SLC47A1: variants seen among roughly 807,000 people sequenced by gnomAD.
SLC47A1 encodes the protein multidrug and toxin extrusion protein 1.
A neutral mutation model predicts 65.8 loss-of-function variants in SLC47A1; 58 were observed. That is an observed-to-expected ratio of 0.88 (90% CI 0.71 to 1.10). SLC47A1 has a LOEUF of 1.10. Ranked by LOEUF, SLC47A1 falls within the 50% of genes least tolerant of loss-of-function variation. The pLI is 0.00. For missense variants in SLC47A1, 706 were observed against 719.2 expected, an observed-to-expected ratio of 0.98 and a Z score of 0.21; for synonymous variants, 285 against 295.0, an observed-to-expected ratio of 0.97 and a Z score of 0.35.
At chr17:19,570,711 G>A (rs539046300) in intron 14 of SLC47A1, 1 of 152,344 alleles carries the variant, frequency 6.6e-6, no homozygotes, top group East Asian at 1.9e-4. Flanking sequence ...GATGGGGTGG[G>A]GTTTCTTGGG....
intron 2 of SLC47A1, among the ~76,000 whole-genome samples, chr17:19,545,960 C>T (rs1449046467): frequency 1.3e-5 from 2 of 152,102 alleles, no homozygotes; most frequent in East Asian, 1.9e-4. Flanking sequence ...CTGTGGCTCA[C>T]ACCTGTAATC....
chr17:19,548,752 G>A (rs1041540661), intron 4 of SLC47A1, among the ~76,000 whole-genome samples: 23 of 152,044 alleles, frequency 1.5e-4, no homozygotes, highest in African/African-American at 4.8e-5. Flanking sequence ...CTGTCGCCTC[G>A]GCCTCCCAAA....
chr17:19,571,409 C>T, intron 14 of SLC47A1, 69 bp from the exon 15 acceptor site: 2 of 1,378,220 alleles, frequency 1.5e-6, no homozygotes, highest in Middle Eastern at 1.9e-4. Context: ...GTGATATAGG[C>T]AAAACATACT....
intron 4 of SLC47A1, among the ~76,000 whole-genome samples, chr17:19,548,573 C>T (rs1916359566): frequency 6.6e-6 from 1 of 150,454 alleles, no homozygotes; most frequent in African/African-American, 2.4e-5. Flanking sequence ...GATCTTGGCT[C>T]GCTGCAACCT....
In SLC47A1 at chr17:19,578,805, C is replaced by CTGAA. The variant is rs2084459464; in HGVS notation, c.*1253_*1256dup. The stretch of plus-strand genomic sequence containing the variant: ...TGTCCATAACTGCTGAGAGAACTTG[C>CTGAA]TGAAGCTCTAGGAATAATTTTGCCT... On this transcript the variant is annotated 3_prime_UTR_variant, in exon 17 of 17. Transcript: ENST00000270570. 6.6e-6 allele frequency: 1 copy of CTGAA among 152,212 alleles called. No homozygotes were observed. Among genetic ancestry groups the CTGAA allele is most frequent in the South Asian group, 2.1e-4 (1 of 4,826 alleles). The allele number at this position is 152,212 out of a possible 1,614,324, so 9.4% of individuals were successfully genotyped here.
intron 1 of SLC47A1, among the ~76,000 whole-genome samples, chr17:19,539,440 G>C (rs1916079167): frequency 6.6e-6 from 1 of 152,152 alleles, no homozygotes; most frequent in East Asian, 1.9e-4. Flanking sequence ...GTATGAGGGA[G>C]CATGGGGATA....
chr17:19,576,788 A>G (rs1321690505), intron 16 of SLC47A1, among the ~76,000 whole-genome samples: 1 of 149,946 alleles, frequency 6.7e-6, no homozygotes, highest in East Asian at 2.0e-4. Flanking sequence ...TGCCCAGGCT[A>G]GAGTGCAATG....
chr17:19,536,634 ACCGGCCTGGGTCTGTCT>A (rs1333422287), intron 1 of SLC47A1, among the ~76,000 whole-genome samples: 1 of 152,122 alleles, frequency 6.6e-6, no homozygotes, highest in Non-Finnish European at 1.5e-5. Flanking sequence ...GTGTATGTGG[ACCGGCCTGGGTCTGTCT>A]CCCATCTCTA....
intron 10 of SLC47A1, among the ~76,000 whole-genome samples, chr17:19,558,383 C>T (rs1367513142): frequency 2.0e-5 from 3 of 152,020 alleles, no homozygotes; most frequent in Non-Finnish European, 4.4e-5. Flanking sequence ...CTTCTTAGTG[C>T]ACCATATCAG....
chr17:19,545,511 G>A (rs1464882859), intron 2 of SLC47A1, among the ~76,000 whole-genome samples: 1 of 149,296 alleles, frequency 6.7e-6, no homozygotes, highest in Non-Finnish European at 1.5e-5. Flanking sequence ...TTTTTTTTGA[G>A]ACAGGGTCTC....
rs749016988 is a variant in SLC47A1, at chr17:19,547,972, G to C, written c.307-13G>C. ...CTGTGCTAATGGGCTCATTTTGGCTGTGTGCACCCCAGACGTACGGGAGCC... is the reference window on the plus strand; with the variant it reads ...CTGTGCTAATGGGCTCATTTTGGCTCTGTGCACCCCAGACGTACGGGAGCC... On this transcript the variant is annotated splice_polypyrimidine_tract_variant and intron_variant, in intron 3 of 16. Transcript: ENST00000270570. 6.2e-7 allele frequency: 1 copy of C among 1,604,906 alleles called. No homozygotes were observed. The highest frequency in any genetic ancestry group is 1.1e-5 in the South Asian group (1 of 90,058).
chr17:19,575,688 C>T (rs2084434140), intron 16 of SLC47A1, among the ~76,000 whole-genome samples: 2 of 152,236 alleles, frequency 1.3e-5, no homozygotes. Context: ...GTGTGAACCA[C>T]CACGCCTGGC....
intron 6 of SLC47A1, among the ~76,000 whole-genome samples, chr17:19,552,299 T>A (rs1341336042): frequency 6.6e-6 from 1 of 152,176 alleles, no homozygotes; most frequent in African/African-American, 2.4e-5. Flanking sequence ...TGCCTCAGTC[T>A]CCAAAAGTGC....
rs1253349157 is a variant in SLC47A1 at position 19,546,501 on chromosome 17, C to G, written c.304C>G (p.Gln102Glu). 5 of 1,613,522 alleles carry G rather than the reference C, an allele frequency of 3.1e-6. No homozygotes were observed. The highest frequency in any genetic ancestry group is 3.4e-6 in the Non-Finnish European group (4 of 1,179,802). ...TTCTGCCTGTGACACCCTCATCTCC[C>G]AGGTAAATGGAAGTGGTCACACGCT... ...LSSACDTLISQTYGSQNLKHV... is the reference protein window; with the variant it reads ...LSSACDTLISETYGSQNLKHV... Residue 102 changes from glutamine to glutamate, a missense_variant and splice_region_variant, in exon 3 of 17, where the codon CAG (glutamine) becomes GAG (glutamate). Transcript: ENST00000270570.
At chr17:19,540,416 TGAACA>T (rs912520382) in intron 1 of SLC47A1, among the ~76,000 whole-genome samples, 1 of 152,188 alleles carries the variant, frequency 6.6e-6, no homozygotes, top group African/African-American at 2.4e-5. Context: ...CACAGTGAAC[TGAACA>T]GATTTGGAAG....
At chr17:19,571,623 G>A (rs753963882) in intron 15 of SLC47A1, 51 bp downstream of exon 15, 7 of 1,394,976 alleles carry the variant, frequency 5.0e-6, no homozygotes, top group Non-Finnish European at 7.1e-6. Context: ...AGAAAAACAG[G>A]ATCTGATCTG....
chr17:19,556,214 C>CAA, intron 10 of SLC47A1, 152 bp downstream of exon 10: 1 of 873,890 alleles, frequency 1.1e-6, no homozygotes, highest in Non-Finnish European at 1.8e-6. Flanking sequence ...GGGAGGGTAC[C>CAA]TCTGCTACAG....
rs115067868 is a variant in SLC47A1, at chr17:19,563,490, T to G, written c.1106+2997T>G. Among the ~76,000 whole-genome samples, 440 of 152,146 alleles carry G rather than the reference T, an allele frequency of 2.9e-3. 5 individuals are homozygous for G. The highest frequency in any genetic ancestry group is 0.01 in the African/African-American group (424 of 41,490). On this transcript the variant is annotated intron_variant, in intron 12 of 16. Coordinates refer to ENST00000270570, the MANE Select transcript of SLC47A1 (RefSeq NM_018242.3). Reference sequence around the variant, plus strand: ...TCCCAGAAGGTTCCAAAGGATAATTTTATAAAATCTTCAAAACATGGGGAA... The same window carrying G: ...TCCCAGAAGGTTCCAAAGGATAATTGTATAAAATCTTCAAAACATGGGGAA...
Position 19,566,789 on chromosome 17 carries a change from G to C in SLC47A1, c.1107-1G>C, listed in dbSNP as rs761320595. ...CACCACGTGCTTTATTTTCCTAACA[G>C]AGACATCATTAATCTGGTGGCTCAG... is the stretch of plus-strand genomic sequence containing the variant. On this transcript the variant is annotated splice_acceptor_variant, in intron 12 of 16. Transcript: ENST00000270570. LOFTEE classifies it high-confidence loss of function. The C allele has an allele frequency of 1.2e-6, 2 of 1,614,108 alleles. No individual in the cohort carries two copies.
Sources: allele counts gnomAD v4.1 joint callset (sites outside exome capture counted in the v4.1 genomes callset), GRCh38; gene constraint gnomAD v4.1.1; transcripts MANE v1.5; gene names NCBI Gene and HGNC (gene_info 2026-07-23, HGNC 2026-07-21).